Variants in TMEM123 observed in about 807,000 individuals in gnomAD.
TMEM123 encodes the protein transmembrane protein 123.
In TMEM123, 16 loss-of-function variants were observed where a neutral mutation model predicts 19.7. The ratio of observed to expected loss-of-function variants is 0.81; its 90% CI spans 0.55 to 1.23. The LOEUF (loss-of-function observed/expected upper bound fraction) is 1.23. Ranked by LOEUF, TMEM123 falls within the 50% of genes most tolerant of loss-of-function variation. The pLI is 0.00. For synonymous variants in TMEM123, 118 were observed against 99.4 expected, an observed-to-expected ratio of 1.19 and a Z score of -1.12; for missense variants, 313 against 257.8, an observed-to-expected ratio of 1.21 and a Z score of -1.47.
rs556303742 is a variant in TMEM123, at chr11:102,429,587, CCT to C, written c.157+19223_157+19224del. 2.6e-5 allele frequency among the ~76,000 whole-genome samples: 4 copies of C among 152,310 alleles called. No individual in the cohort carries two copies. In the South Asian group the frequency reaches 8.3e-4, roughly 32 times the overall value. The stretch of plus-strand genomic sequence containing the variant: ...ATTAACAAACATAAAAGCATGAATG[CCT>C]GTGTGTGTGCTGCAATGTGACTCTA... On this transcript the variant is annotated intron_variant, in intron 2 of 4. Transcript: ENST00000398136.
At chr11:102,425,537 G>A (rs923381437) in intron 2 of TMEM123, among the ~76,000 whole-genome samples, 1 of 148,018 alleles carries the variant, frequency 6.8e-6, no homozygotes, top group African/African-American at 2.5e-5. Flanking sequence ...TCAGACCTAG[G>A]TCAAGCACTG....
chr11:102,409,105 A>G (rs928798825), intron 2 of TMEM123, among the ~76,000 whole-genome samples: 1 of 152,206 alleles, frequency 6.6e-6, no homozygotes, highest in Admixed American at 6.5e-5. Flanking sequence ...CAGGGCATCA[A>G]ATACACACTT....
At chr11:102,400,146 A>T (rs1951899002) in intron 4 of TMEM123, among the ~76,000 whole-genome samples, 1 of 152,188 alleles carries the variant, frequency 6.6e-6, no homozygotes, top group African/African-American at 2.4e-5. Context: ...ATTTACTTTT[A>T]TGTGTACTGA....
At chr11:102,421,284 T>C (rs987066023) in intron 2 of TMEM123, among the ~76,000 whole-genome samples, 1 of 152,186 alleles carries the variant, frequency 6.6e-6, no homozygotes, top group South Asian at 2.1e-4. Context: ...TAAAATATCA[T>C]TTTATTGTCA....
intron 2 of TMEM123, among the ~76,000 whole-genome samples, chr11:102,420,431 C>T (rs1216905608): frequency 1.3e-5 from 2 of 152,178 alleles, no homozygotes; most frequent in African/African-American, 4.8e-5. Flanking sequence ...AAGAATACTT[C>T]AACAGTGCTC....
chr11:102,412,359 C>T (rs200723416), intron 2 of TMEM123, among the ~76,000 whole-genome samples: 1 of 152,040 alleles, frequency 6.6e-6, no homozygotes, highest in African/African-American at 2.4e-5. Flanking sequence ...ACCCAGGAGG[C>T]GGAGGTTGCA....
intron 2 of TMEM123, among the ~76,000 whole-genome samples, chr11:102,425,672 C>A (rs1952120984): frequency 6.6e-6 from 1 of 151,142 alleles, no homozygotes; most frequent in Non-Finnish European, 1.5e-5. Context: ...TAGCCTCAAC[C>A]TCCCAGGCTC....
In TMEM123 at chr11:102,450,853, T is replaced by C. The variant is rs140753172; in HGVS notation, c.100+1671A>G. ...AGTAAAAATCAGCCATTAAGAGTTT[T>C]AGTATGATGGCTAAAAATCACTATA... On this transcript the variant is annotated intron_variant, in intron 1 of 4. Coordinates refer to ENST00000398136, the MANE Select transcript of TMEM123 (RefSeq NM_052932.3). Among the ~76,000 whole-genome samples, 4 of 152,366 alleles carry C rather than the reference T, an allele frequency of 2.6e-5. No homozygotes were observed. The East Asian group carries it at 5.8e-4, about 22-fold the overall frequency.
intron 4 of TMEM123, among the ~76,000 whole-genome samples, chr11:102,400,695 T>A (rs529483917): frequency 2.6e-4 from 40 of 152,184 alleles, no homozygotes; most frequent in Non-Finnish European, 5.0e-4. Context: ...TGAACAGAAT[T>A]AATACCCTTA....
At chr11:102,405,009 G>A (rs183614219) in intron 2 of TMEM123, among the ~76,000 whole-genome samples, 4 of 151,872 alleles carry the variant, frequency 2.6e-5, no homozygotes, top group Admixed American at 2.0e-4. Flanking sequence ...CTTCAACTTT[G>A]GGTCTCTGTG....
Position 102,452,644 on chromosome 11 carries a change from GCAGCCTCGTGGGCT to G in TMEM123, c.-35_-22del. Reference sequence around the variant, plus strand: ...CCCATTGTTCCGAGGGCAGGATGCGGCAGCCTCGTGGGCTCCCAGCCGAGGTGGCGGCGGCGAGA... The same window carrying G: ...CCCATTGTTCCGAGGGCAGGATGCGGCCCAGCCGAGGTGGCGGCGGCGAGA... On this transcript the variant is annotated 5_prime_UTR_variant, in exon 1 of 5. Transcript: ENST00000398136. 1 of 1,480,310 alleles carries G rather than the reference GCAGCCTCGTGGGCT, an allele frequency of 6.8e-7. No homozygotes were observed. The highest frequency in any genetic ancestry group is 9.0e-7 in the Non-Finnish European group (1 of 1,111,600). The allele number at this position is 1,480,310 out of a possible 1,614,324, so 91.7% of individuals were successfully genotyped here.
intron 2 of TMEM123, among the ~76,000 whole-genome samples, chr11:102,424,198 A>G (rs1216161647): frequency 6.6e-6 from 1 of 152,244 alleles, no homozygotes. Flanking sequence ...AAGCCACTCA[A>G]GTGTAGGAAC....
At chr11:102,426,569 A>C (rs191630461) in intron 2 of TMEM123, among the ~76,000 whole-genome samples, 3 of 152,208 alleles carry the variant, frequency 2.0e-5, no homozygotes, top group Non-Finnish European at 4.4e-5. Context: ...CTCATCGTAA[A>C]AGATTTTACA....
chr11:102,448,339 G>C (rs1737148622), intron 2 of TMEM123: 4 of 454,904 alleles, frequency 8.8e-6, no homozygotes, highest in Admixed American at 7.1e-5. Flanking sequence ...TAAAATCACA[G>C]GGTAAGGGCC....
chr11:102,426,131 C>T (rs1303716832), intron 2 of TMEM123, among the ~76,000 whole-genome samples: 1 of 152,178 alleles, frequency 6.6e-6, no homozygotes, highest in African/African-American at 2.4e-5. Context: ...AAATATCAGT[C>T]TTAGGTAACA....
At chr11:102,441,284 T>C (rs1318251254) in intron 2 of TMEM123, among the ~76,000 whole-genome samples, 1 of 152,180 alleles carries the variant, frequency 6.6e-6, no homozygotes, top group Non-Finnish European at 1.5e-5. Context: ...ACTGACTACA[T>C]AGTTGGAAGT....
At chr11:102,440,575 G>A (rs533253420) in intron 2 of TMEM123, among the ~76,000 whole-genome samples, 156 of 152,214 alleles carry the variant, frequency 1.0e-3, no homozygotes, top group East Asian at 1.9e-3. Flanking sequence ...AGGAACAACC[G>A]TACCAGCCAC....
rs558340783 is a variant in TMEM123, at chr11:102,431,730, G to C, written c.157+17082C>G. On this transcript the variant is annotated intron_variant, in intron 2 of 4. Coordinates refer to ENST00000398136, the MANE Select transcript of TMEM123 (RefSeq NM_052932.3). ...ACAGTTAGGTTGATTCTACAACTTG[G>C]TGATATGGGCTGGCTGTGTCCCCAC... 3.3e-5 allele frequency among the ~76,000 whole-genome samples: 5 copies of C among 152,266 alleles called. No homozygotes were observed. The South Asian group carries it at 8.3e-4, about 25-fold the overall frequency.
At chr11:102,422,837 TATGTTTTAAG>T (rs1952097965) in intron 2 of TMEM123, among the ~76,000 whole-genome samples, 1 of 152,240 alleles carries the variant, frequency 6.6e-6, no homozygotes, top group Non-Finnish European at 1.5e-5. Context: ...TCCTAAGAGC[TATGTTTTAAG>T]ATGTTTTATG....
Sources: gnomAD v4.1 joint callset for allele counts (sites outside exome capture counted in the v4.1 genomes callset) on GRCh38, gnomAD v4.1.1 for gene constraint, MANE v1.5 for transcripts, NCBI Gene and HGNC (gene_info 2026-07-23, HGNC 2026-07-21) for gene names.